Variants in ZRANB3 observed in about 807,000 individuals in gnomAD.
ZRANB3 encodes DNA annealing helicase and endonuclease ZRANB3.
Under a neutral mutation model 133.8 loss-of-function variants are expected in ZRANB3, and 125 were observed. The ratio of observed to expected loss-of-function variants is 0.93; its 90% CI spans 0.81 to 1.08. ZRANB3 has a LOEUF of 1.08. Ranked by LOEUF, ZRANB3 falls within the 50% of genes least tolerant of loss-of-function variation. ZRANB3 has a pLI of 0.00. For missense variants in ZRANB3, 1,229 were observed against 1,275.5 expected, an observed-to-expected ratio of 0.96 and a Z score of 0.56; for synonymous variants, 387 against 432.7, an observed-to-expected ratio of 0.89 and a Z score of 1.31.
intron 5 of ZRANB3, 30 bp from the exon 6 acceptor site, chr2:135,345,665 T>C (rs780743747): frequency 7.0e-7 from 1 of 1,436,940 alleles, no homozygotes; most frequent in South Asian, 1.2e-5. Context: ...TGTAGTATGT[T>C]GTAATATTTT....
chr2:135,436,823 AAG>A (rs113639188), intron 2 of ZRANB3, among the ~76,000 whole-genome samples: 117 of 152,356 alleles, frequency 7.7e-4, no homozygotes, highest in African/African-American at 2.6e-3. Flanking sequence ...CTTAAGCAAA[AAG>A]AATAAGGCTG....
chr2:135,405,076 T>C (rs1206378059), intron 2 of ZRANB3, among the ~76,000 whole-genome samples: 1 of 152,062 alleles, frequency 6.6e-6, no homozygotes, highest in East Asian at 1.9e-4. Context: ...AGGAAACCCA[T>C]CTTACGTGCA....
intron 3 of ZRANB3, among the ~76,000 whole-genome samples, chr2:135,389,302 T>G (rs1687117351): frequency 6.6e-6 from 1 of 152,154 alleles, no homozygotes; most frequent in East Asian, 1.9e-4. Context: ...ACTAAAAAAT[T>G]AGGTCATTAT....
chr2:135,277,564 A>G (rs1170239199), intron 8 of ZRANB3, among the ~76,000 whole-genome samples: 3 of 152,252 alleles, frequency 2.0e-5, no homozygotes, highest in Non-Finnish European at 4.4e-5. Flanking sequence ...AATGAAAAAT[A>G]TAATAGCAGA....
chr2:135,457,998 C>T (rs1559012500), intron 2 of ZRANB3, among the ~76,000 whole-genome samples: 1 of 152,080 alleles, frequency 6.6e-6, no homozygotes, highest in African/African-American at 2.4e-5. Context: ...TACCAAGTCA[C>T]AAAAATTTAC....
chr2:135,462,743 C>A (rs555220734), intron 2 of ZRANB3, among the ~76,000 whole-genome samples: 26 of 152,128 alleles, frequency 1.7e-4, no homozygotes, highest in African/African-American at 5.5e-4. Context: ...CAGGTGCCCA[C>A]CATCACACCT....
At chr2:135,471,508 T>A (rs902266210) in intron 2 of ZRANB3, among the ~76,000 whole-genome samples, 1 of 152,138 alleles carries the variant, frequency 6.6e-6, no homozygotes, top group Non-Finnish European at 1.5e-5. Context: ...TTTGGGGAGA[T>A]GTTAAGAAAA....
intron 12 of ZRANB3, among the ~76,000 whole-genome samples, chr2:135,251,730 G>C (rs765625889): frequency 6.6e-6 from 1 of 152,196 alleles, no homozygotes; most frequent in Non-Finnish European, 1.5e-5. Context: ...ATGTGGAACT[G>C]TGATTCCAAT....
At chr2:135,460,773 C>A (rs973332302) in intron 2 of ZRANB3, among the ~76,000 whole-genome samples, 1 of 152,124 alleles carries the variant, frequency 6.6e-6, no homozygotes, top group Non-Finnish European at 1.5e-5. Flanking sequence ...CTTGCCCCAA[C>A]AAGAATCTCA....
intron 9 of ZRANB3, among the ~76,000 whole-genome samples, chr2:135,275,354 C>A (rs993473282): frequency 6.6e-6 from 1 of 151,792 alleles, no homozygotes; most frequent in African/African-American, 2.4e-5. Flanking sequence ...CTGACCCCCA[C>A]CTCCCTCCCA....
chr2:135,243,206 G>A (rs1055381605), intron 12 of ZRANB3, among the ~76,000 whole-genome samples: 3 of 152,138 alleles, frequency 2.0e-5, no homozygotes, highest in African/African-American at 7.2e-5. Flanking sequence ...TAGCTACCAC[G>A]GAGCTGATCA....
At chr2:135,495,772 T>G (rs1432791512) in intron 2 of ZRANB3, among the ~76,000 whole-genome samples, 3 of 152,158 alleles carry the variant, frequency 2.0e-5, no homozygotes, top group African/African-American at 7.2e-5. Context: ...CTACTCTGAG[T>G]GATGGTAATG....
chr2:135,503,962 C>T (rs1023747970), intron 2 of ZRANB3, among the ~76,000 whole-genome samples: 4 of 150,364 alleles, frequency 2.7e-5, no homozygotes, highest in African/African-American at 9.8e-5. Flanking sequence ...AGGGCAGAGT[C>T]TATTAAAAAA....
At chr2:135,278,064 G>T (rs182082192) in intron 8 of ZRANB3, among the ~76,000 whole-genome samples, 50 of 151,830 alleles carry the variant, frequency 3.3e-4, no homozygotes, top group Admixed American at 2.2e-3. Context: ...AATCATCAAA[G>T]AAATAAAGTT....
At chr2:135,470,192 G>C (rs1239519820) in intron 2 of ZRANB3, among the ~76,000 whole-genome samples, 2 of 151,562 alleles carry the variant, frequency 1.3e-5, no homozygotes, top group African/African-American at 4.8e-5. Flanking sequence ...AGGCGTGGTG[G>C]TGGGCACCTA....
rs567129798 is a variant in ZRANB3 at position 135,405,632 on chromosome 2, A to C, written c.162-14812T>G. ...TATAACAAACTCTCTCTCAGACCACACTGCAATCAAACTAGAACTCAGGAT... is the reference window on the plus strand; with the variant it reads ...TATAACAAACTCTCTCTCAGACCACCCTGCAATCAAACTAGAACTCAGGAT... On this transcript the variant is annotated intron_variant, in intron 2 of 20. Coordinates refer to ENST00000264159, the MANE Select transcript of ZRANB3 (RefSeq NM_032143.4). 2.2e-4 allele frequency among the ~76,000 whole-genome samples: 33 copies of C among 152,342 alleles called. No individual in the cohort carries two copies. The South Asian group carries it at 5.8e-3, about 27-fold the overall frequency.
intron 13 of ZRANB3, chr2:135,228,239 G>A: frequency 2.8e-6 from 1 of 361,224 alleles, no homozygotes. Flanking sequence ...ATTCTAAATG[G>A]CAGAGAAAGA....
At chr2:135,497,333 A>G (rs2104814113) in intron 2 of ZRANB3, among the ~76,000 whole-genome samples, 1 of 152,338 alleles carries the variant, frequency 6.6e-6, no homozygotes, top group East Asian at 1.9e-4. Context: ...TGATACCAGA[A>G]TATTTATTAT....
intron 2 of ZRANB3, among the ~76,000 whole-genome samples, chr2:135,454,086 C>T (rs574991698): frequency 6.6e-6 from 1 of 152,282 alleles, no homozygotes; most frequent in Admixed American, 6.5e-5. Flanking sequence ...AAAGTGCAAA[C>T]CCCGATAAAC....
Sources: allele counts gnomAD v4.1 joint callset (sites outside exome capture counted in the v4.1 genomes callset), GRCh38; gene constraint gnomAD v4.1.1; transcripts MANE v1.5; gene names NCBI Gene and HGNC (gene_info 2026-07-23, HGNC 2026-07-21).